CCDC138: variants seen among roughly 807,000 people sequenced by gnomAD.
The protein encoded by CCDC138 is coiled-coil domain containing 138.
In CCDC138, 66 loss-of-function variants were observed where a neutral mutation model predicts 82.3. That is an observed-to-expected ratio of 0.80 (90% CI 0.66 to 0.98). The LOEUF (loss-of-function observed/expected upper bound fraction) is 0.98. Among genes scored for constraint, CCDC138 ranks in the 50% least tolerant of loss-of-function variants. The pLI is 0.00. For missense variants in CCDC138, 816 were observed against 758.9 expected (o/e 1.08, Z -0.88); for synonymous variants, 297 against 265.4 (o/e 1.12, Z -1.16).
intron 6 of CCDC138, among the ~76,000 whole-genome samples, chr2:108,804,336 T>G (rs1207592912): frequency 6.6e-6 from 1 of 152,186 alleles, no homozygotes; most frequent in East Asian, 1.9e-4. Flanking sequence ...TAGAACTGAT[T>G]AAGAAGAGTC....
At chr2:108,840,886 A>T (rs550616616) in intron 11 of CCDC138, among the ~76,000 whole-genome samples, 1 of 151,834 alleles carries the variant, frequency 6.6e-6, no homozygotes, top group South Asian at 2.1e-4. Context: ...GTCTCGGCTC[A>T]TTGCAACCTC....
intron 11 of CCDC138, among the ~76,000 whole-genome samples, chr2:108,844,447 A>G (rs1003870609): frequency 2.0e-5 from 3 of 151,818 alleles, no homozygotes; most frequent in Non-Finnish European, 4.4e-5. Context: ...CTTCGATGAG[A>G]TTTTCTAAAA....
intron 13 of CCDC138, among the ~76,000 whole-genome samples, chr2:108,862,126 A>C (rs1242429969): frequency 6.8e-6 from 1 of 147,354 alleles, no homozygotes; most frequent in Admixed American, 6.8e-5. Flanking sequence ...GTGGTCAGTC[A>C]TAGAGTATGT....
chr2:108,825,345 G>A (rs998100422), intron 10 of CCDC138, among the ~76,000 whole-genome samples: 7 of 151,886 alleles, frequency 4.6e-5, no homozygotes, highest in African/African-American at 1.7e-4. Flanking sequence ...CATTTTAACT[G>A]TGCAATTCAG....
chr2:108,794,482 G>T, intron 4 of CCDC138, 58 bp from the exon 5 acceptor site: 1 of 1,460,140 alleles, frequency 6.8e-7, no homozygotes, highest in East Asian at 2.3e-5. Flanking sequence ...GTTACTCTGA[G>T]AATATTTGAA....
chr2:108,859,078 C>CTTA (rs945148809), intron 13 of CCDC138, among the ~76,000 whole-genome samples: 1 of 151,968 alleles, frequency 6.6e-6, no homozygotes, highest in African/African-American at 2.4e-5. Flanking sequence ...TTCTATTTGA[C>CTTA]TTTAGTAATA....
chr2:108,820,712 A>AAAAC lies in CCDC138; in HGVS notation c.1206+4614_1206+4617dup, dbSNP rs1553413042. ...ACATTCAAAGTGCAAAAAAAAAAAA[A>AAAAC]AAACAAACAACAAAACTGTTAACCA... is the stretch of plus-strand genomic sequence containing the variant. On this transcript the variant is annotated intron_variant, in intron 10 of 14. Coordinates refer to ENST00000295124, the MANE Select transcript of CCDC138 (RefSeq NM_144978.3). Among the ~76,000 whole-genome samples the AAAAC allele has an allele frequency of 4.9e-4, 11 of 22,606 alleles. No individual in the cohort carries two copies. The South Asian group carries it at 4.9e-3, about 10-fold the overall frequency. 14.8% of individuals were successfully genotyped at this position (22,606 alleles called of 152,430 possible). A position where few individuals can be genotyped will look rare whatever the true frequency, so the allele number is the denominator to read the frequency against.
At chr2:108,872,101 G>GT (rs1009026944) in intron 13 of CCDC138, among the ~76,000 whole-genome samples, 57 of 152,254 alleles carry the variant, frequency 3.7e-4, no homozygotes, top group African/African-American at 1.4e-3. Flanking sequence ...TGACTGAGTG[G>GT]TTTTTAATCT....
intron 6 of CCDC138, among the ~76,000 whole-genome samples, chr2:108,799,829 C>T (rs1439354637): frequency 1.3e-5 from 2 of 151,974 alleles, no homozygotes; most frequent in African/African-American, 4.8e-5. Context: ...CTTCAGTGTT[C>T]TTCAGATAGT....
intron 13 of CCDC138, among the ~76,000 whole-genome samples, chr2:108,868,105 C>T (rs775399787): frequency 3.3e-5 from 5 of 152,142 alleles, no homozygotes; most frequent in Non-Finnish European, 7.4e-5. Flanking sequence ...TTGTTGACAG[C>T]ATGTACTTTT....
chr2:108,821,350 T>A (rs905568934), intron 10 of CCDC138, among the ~76,000 whole-genome samples: 1 of 149,800 alleles, frequency 6.7e-6, no homozygotes, highest in Non-Finnish European at 1.5e-5. Context: ...AGGGTGAGAC[T>A]CCGTCTCAAA....
Position 108,802,831 on chromosome 2 carries a change from C to G in CCDC138, c.736-2058C>G, listed in dbSNP as rs548257372. On this transcript the variant is annotated intron_variant, in intron 6 of 14. Transcript: ENST00000295124. ...CAATACCTAATTTATTGAGAGTTTTCAGCATGAAGGGTTGTTGAATTTTGT... is the reference window on the plus strand; with the variant it reads ...CAATACCTAATTTATTGAGAGTTTTGAGCATGAAGGGTTGTTGAATTTTGT... 1.3e-3 allele frequency among the ~76,000 whole-genome samples: 193 copies of G among 152,236 alleles called. 1 individual carries two copies. Among genetic ancestry groups the G allele is most frequent in the African/African-American group, 4.4e-3 (183 of 41,542 alleles).
chr2:108,873,532 T>A lies in CCDC138; in HGVS notation c.1775T>A (p.Leu592His), dbSNP rs1244738627. 1 of 1,612,418 alleles carries A rather than the reference T, an allele frequency of 6.2e-7. No homozygotes were observed. Among genetic ancestry groups the A allele is most frequent in the African/African-American group, 1.3e-5 (1 of 74,888 alleles). Reference protein sequence around the residue: ...TCSVLLRAPKLDLQILEKLSI... With the variant: ...TCSVLLRAPKHDLQILEKLSI... ...TCTGTGCTGCTTCGAGCCCCTAAGCTTGATCTTCAAATACTAGAAAAACTC... is the reference window on the plus strand; with the variant it reads ...TCTGTGCTGCTTCGAGCCCCTAAGCATGATCTTCAAATACTAGAAAAACTC... Residue 592 changes from leucine to histidine, a missense_variant, in exon 14 of 15, where the codon CTT becomes CAT. Leu to His is a moderately conservative substitution (Grantham distance 99). Transcript: ENST00000295124.
chr2:108,804,985 T>C lies in CCDC138; in HGVS notation c.832T>C (p.Leu278=), dbSNP rs141395703. 50 of 1,551,226 alleles carry C rather than the reference T, an allele frequency of 3.2e-5. No homozygotes were observed. The highest frequency in any genetic ancestry group is 3.6e-5 in the Non-Finnish European group (42 of 1,154,444). The part of the protein sequence containing the change: ...LRSSFDALKE[L]NDTLKKQLNE... ...GTCCTCTTTTGATGCATTGAAAGAA[T>C]TGAATGATACCTTAAAAAAACAGGT... The change falls in exon 7 of 15, where the codon TTG becomes CTG. Residue 278 remains leucine (L), a synonymous_variant. Coordinates refer to ENST00000295124, the MANE Select transcript of CCDC138 (RefSeq NM_144978.3).
chr2:108,877,352 G>C (rs951178968), downstream of CCDC138, among the ~76,000 whole-genome samples: 20 of 151,974 alleles, frequency 1.3e-4, no homozygotes, highest in Non-Finnish European at 2.2e-4. Flanking sequence ...TGTGATCCTA[G>C]CTACTCGGGA....
At chr2:108,790,292 T>G (rs943316441) in intron 3 of CCDC138, among the ~76,000 whole-genome samples, 1 of 152,184 alleles carries the variant, frequency 6.6e-6, no homozygotes, top group Admixed American at 6.5e-5. Flanking sequence ...GGAAATTATT[T>G]TCTTTTTAAC....
intron 7 of CCDC138, among the ~76,000 whole-genome samples, chr2:108,806,702 G>A (rs1167598427): frequency 6.6e-6 from 1 of 152,188 alleles, no homozygotes; most frequent in Non-Finnish European, 1.5e-5. Context: ...CCAGCTCCTG[G>A]CTAGATGAAT....
intron 10 of CCDC138, among the ~76,000 whole-genome samples, chr2:108,828,627 A>G (rs1214266866): frequency 1.3e-5 from 2 of 152,206 alleles, no homozygotes; most frequent in Admixed American, 6.5e-5. Context: ...AATGGTGTTG[A>G]AAAACTGGAT....
chr2:108,788,902 T>C lies in CCDC138; in HGVS notation c.202T>C (p.Ser68Pro). Reference protein sequence around the residue: ...GDKVGSSLKYSDESKHCRTPL... With the variant: ...GDKVGSSLKYPDESKHCRTPL... Reference sequence around the variant, plus strand: ...TAAAGTTGGTTCATCGTTAAAATATTCTGATGAAAGCAAGCATTGTAGAAC... The same window carrying C: ...TAAAGTTGGTTCATCGTTAAAATATCCTGATGAAAGCAAGCATTGTAGAAC... The change falls in exon 3 of 15, where the codon TCT becomes CCT. Residue 68 changes from serine to proline, a missense_variant. Coordinates refer to ENST00000295124, the MANE Select transcript of CCDC138 (RefSeq NM_144978.3). The C allele has an allele frequency of 6.2e-7, 1 of 1,614,062 alleles. No homozygotes were observed. Among genetic ancestry groups the C allele is most frequent in the Non-Finnish European group, 8.5e-7 (1 of 1,179,906 alleles).
Sources: allele counts gnomAD v4.1 joint callset (sites outside exome capture counted in the v4.1 genomes callset), GRCh38; gene constraint gnomAD v4.1.1; transcripts MANE v1.5; gene names NCBI Gene and HGNC (gene_info 2026-07-23, HGNC 2026-07-21).